CA10: variants seen among roughly 807,000 people sequenced by gnomAD.
The protein encoded by CA10 is carbonic anhydrase 10 (inactive), also known as carbonic anhydrase-related protein 10.
A neutral mutation model predicts 44.2 loss-of-function variants in CA10; 14 were observed. The ratio of observed to expected loss-of-function variants is 0.32; its 90% confidence interval spans 0.21 to 0.50. CA10 has a LOEUF of 0.50. Ranked by LOEUF, CA10 falls within the 20% of genes least tolerant of loss-of-function variation. CA10 has a pLI of 0.99. For missense variants in CA10, 350 were observed against 409.7 expected, an observed-to-expected ratio of 0.85 and a Z score of 1.26; for synonymous variants, 159 against 141.6, an observed-to-expected ratio of 1.12 and a Z score of -0.87.
At chr17:51,717,987 G>T (rs1243169383) in intron 4 of CA10, among the ~76,000 whole-genome samples, 1 of 148,704 alleles carries the variant, frequency 6.7e-6, no homozygotes, top group Non-Finnish European at 1.5e-5. Context: ...ATCATTGTAT[G>T]TTCTCACGGA....
chr17:51,764,039 ACT>A (rs1174367904), intron 3 of CA10, among the ~76,000 whole-genome samples: 3 of 151,092 alleles, frequency 2.0e-5, no homozygotes, highest in Non-Finnish European at 4.4e-5. Context: ...AAAAAAAAAA[ACT>A]CTACAAATAA....
chr17:51,978,406 G>T (rs924009024), intron 2 of CA10, among the ~76,000 whole-genome samples: 1 of 151,848 alleles, frequency 6.6e-6, no homozygotes, highest in Non-Finnish European at 1.5e-5. Flanking sequence ...GTGTGTGTGT[G>T]TGTGTGTCTG....
rs182235614 is a variant in CA10 at position 51,733,437 on chromosome 17, C to T, written c.465+14196G>A. On this transcript the variant is annotated intron_variant, in intron 4 of 8. Coordinates refer to ENST00000451037, the MANE Select transcript of CA10 (RefSeq NM_020178.5). ...GGGAACAGCAGGAGAAAGTGACAAG[C>T]GAGACAGGATTTGAAAGGGGCTTGT... 1.5e-4 allele frequency among the ~76,000 whole-genome samples: 23 copies of T among 152,184 alleles called. 1 individual carries two copies. In the South Asian group the frequency reaches 3.3e-3, roughly 22 times the overall value.
At chr17:51,922,919 A>G (rs1982288784) in intron 3 of CA10, among the ~76,000 whole-genome samples, 1 of 152,152 alleles carries the variant, frequency 6.6e-6, no homozygotes. Flanking sequence ...CTTGTTGGTT[A>G]GAATTAAATA....
chr17:52,157,832 G>A lies in CA10; in HGVS notation c.-46C>T, dbSNP rs775630788. The A allele has an allele frequency of 2.0e-6, 3 of 1,519,376 alleles. No individual in the cohort carries two copies. The highest frequency in any genetic ancestry group is 2.2e-5 in the South Asian group (2 of 89,162). The allele number at this position is 1,519,376 out of a possible 1,614,324, so 94.1% of individuals were successfully genotyped here. On this transcript the variant is annotated 5_prime_UTR_variant, in exon 1 of 9. Transcript: ENST00000451037. ...TGCATCACTCGACGGGAAAACGGGGGGAAGGGGGGAGCCCGACACGGCACA... is the reference window on the plus strand; with the variant it reads ...TGCATCACTCGACGGGAAAACGGGGAGAAGGGGGGAGCCCGACACGGCACA...
At chr17:51,667,439 C>T (rs1914249874) in intron 4 of CA10, among the ~76,000 whole-genome samples, 1 of 152,166 alleles carries the variant, frequency 6.6e-6, no homozygotes, top group Admixed American at 6.5e-5. Flanking sequence ...CAGTTTAAAA[C>T]AGCCCTTGTG....
intron 1 of CA10, among the ~76,000 whole-genome samples, chr17:52,148,822 T>C (rs555098712): frequency 6.6e-6 from 1 of 152,150 alleles, no homozygotes; most frequent in East Asian, 1.9e-4. Flanking sequence ...ACCATTGCTG[T>C]TTTTTTTACT....
intron 4 of CA10, among the ~76,000 whole-genome samples, chr17:51,681,688 T>C (rs1314885272): frequency 6.6e-6 from 1 of 152,222 alleles, no homozygotes; most frequent in African/African-American, 2.4e-5. Flanking sequence ...GCTGTTTATC[T>C]TTTTATACAA....
At chr17:51,914,627 C>T (rs1981921491) in intron 3 of CA10, among the ~76,000 whole-genome samples, 1 of 152,182 alleles carries the variant, frequency 6.6e-6, no homozygotes, top group Non-Finnish European at 1.5e-5. Flanking sequence ...CCCACCATCC[C>T]TCATGCTCTC....
intron 3 of CA10, among the ~76,000 whole-genome samples, chr17:51,798,448 T>A (rs2143711836): frequency 6.6e-6 from 1 of 152,318 alleles, no homozygotes; most frequent in South Asian, 2.1e-4. Context: ...GTTTACAATA[T>A]CCCTAATAAG....
chr17:51,820,420 C>CCCT (rs1268953103), intron 3 of CA10, among the ~76,000 whole-genome samples: 3 of 78,320 alleles, frequency 3.8e-5, no homozygotes, highest in African/African-American at 1.4e-4. Flanking sequence ...CCCCCCCCCG[C>CCCT]CCGCCGATTT....
chr17:51,854,782 G>C (rs1482104184), intron 3 of CA10, among the ~76,000 whole-genome samples: 1 of 152,202 alleles, frequency 6.6e-6, no homozygotes, highest in South Asian at 2.1e-4. Flanking sequence ...GGTGTCCACA[G>C]GGGATTAAGC....
chr17:52,021,971 G>C (rs980514925), intron 2 of CA10, among the ~76,000 whole-genome samples: 2 of 151,976 alleles, frequency 1.3e-5, no homozygotes, highest in African/African-American at 4.8e-5. Context: ...AATTCTACCA[G>C]ACATATGAAG....
intron 4 of CA10, among the ~76,000 whole-genome samples, chr17:51,678,705 A>G (rs1277129157): frequency 6.6e-6 from 1 of 152,252 alleles, no homozygotes; most frequent in Non-Finnish European, 1.5e-5. Flanking sequence ...AATGCAGTCA[A>G]GAGAAAAATG....
chr17:52,115,828 T>A (rs1988883765), intron 1 of CA10, among the ~76,000 whole-genome samples: 1 of 152,262 alleles, frequency 6.6e-6, no homozygotes, highest in Non-Finnish European at 1.5e-5. Context: ...GCACAGTGGC[T>A]CACGCCTGTA....
At chr17:51,671,484 A>T (rs530565051) in intron 4 of CA10, among the ~76,000 whole-genome samples, 1 of 152,146 alleles carries the variant, frequency 6.6e-6, no homozygotes, top group Non-Finnish European at 1.5e-5. Flanking sequence ...GGCTCACTGC[A>T]AGCTCCACCT....
intron 2 of CA10, among the ~76,000 whole-genome samples, chr17:52,031,204 C>T (rs1378489983): frequency 2.0e-5 from 3 of 149,566 alleles, no homozygotes; most frequent in Non-Finnish European, 4.4e-5. Flanking sequence ...GGCTGGAGTG[C>T]AGTGGCATGA....
chr17:52,057,348 GAAGAC>G (rs575478657), intron 2 of CA10, among the ~76,000 whole-genome samples: 1 of 151,946 alleles, frequency 6.6e-6, no homozygotes, highest in Non-Finnish European at 1.5e-5. Flanking sequence ...TACTCAACAT[GAAGAC>G]AAGGATGAAG....
intron 4 of CA10, among the ~76,000 whole-genome samples, chr17:51,700,711 C>T (rs931282904): frequency 6.6e-6 from 1 of 152,182 alleles, no homozygotes; most frequent in Non-Finnish European, 1.5e-5. Context: ...CACTTACCGT[C>T]GCCTAACATT....
Sources: allele counts gnomAD v4.1 joint callset (sites outside exome capture counted in the v4.1 genomes callset), GRCh38; gene constraint gnomAD v4.1.1; transcripts MANE v1.5; gene names NCBI Gene and HGNC (gene_info 2026-07-23, HGNC 2026-07-21).